Variants in DHRSX observed in about 807,000 individuals in gnomAD.
DHRSX encodes the protein polyprenol dehydrogenase.
Under a neutral mutation model 34.0 loss-of-function variants are expected in DHRSX, and 31 were observed. That is an observed-to-expected ratio of 0.91 (90% confidence interval 0.69 to 1.23). The LOEUF is 1.23. Ranked by LOEUF, DHRSX falls within the 50% of genes most tolerant of loss-of-function variation. The pLI is 0.00. For missense variants in DHRSX, 414 were observed against 428.1 expected (o/e 0.97, Z 0.29); for synonymous variants, 201 against 183.8 (o/e 1.09, Z -0.76).
chrX:2,300,980 T>C (rs1178394854), intron 3 of DHRSX, among the ~76,000 whole-genome samples: 1 of 152,208 alleles, frequency 6.6e-6, no homozygotes, highest in Non-Finnish European at 1.5e-5. Context: ...TTAAAGCATG[T>C]GGACAGGGTA....
intron 1 of DHRSX, among the ~76,000 whole-genome samples, chrX:2,460,201 G>A (rs1480688599): frequency 1.3e-5 from 2 of 152,090 alleles, no homozygotes; most frequent in East Asian, 1.9e-4. Flanking sequence ...CTCACAAAGC[G>A]GCGAGTGTTC....
In DHRSX at chrX:2,327,862, C is replaced by T. The variant is rs1022378172; in HGVS notation, c.287-36259G>A. On this transcript the variant is annotated intron_variant, in intron 3 of 6. Transcript: ENST00000334651. ...TTGGGAGGCTGAGGTGGGTGGATCA[C>T]GAGGTCAGGTGATCGAGACCATCCT... 4.0e-5 allele frequency among the ~76,000 whole-genome samples: 6 copies of T among 151,896 alleles called. No homozygotes were observed. In the East Asian group the frequency reaches 7.7e-4, roughly 20 times the overall value.
At chrX:2,330,475 C>G (rs1419238084) in intron 3 of DHRSX, among the ~76,000 whole-genome samples, 1 of 145,536 alleles carries the variant, frequency 6.9e-6, no homozygotes, top group African/African-American at 2.5e-5. Context: ...GAGCTGAGAT[C>G]GCGCCACGGC....
intron 3 of DHRSX, among the ~76,000 whole-genome samples, chrX:2,315,580 C>T (rs1399688539): frequency 1.3e-5 from 2 of 152,124 alleles, no homozygotes; most frequent in Non-Finnish European, 2.9e-5. Flanking sequence ...CCTCTGCCCT[C>T]AAATGAGCTG....
intron 3 of DHRSX, among the ~76,000 whole-genome samples, chrX:2,310,518 C>A (rs1034594824): frequency 1.6e-4 from 23 of 147,936 alleles, no homozygotes; most frequent in Non-Finnish European, 3.4e-4. Flanking sequence ...GACGCTGCAG[C>A]GAGATTATTC....
chrX:2,289,486 CA>C (rs1321396609), intron 4 of DHRSX, among the ~76,000 whole-genome samples: 1 of 152,140 alleles, frequency 6.6e-6, no homozygotes, highest in Non-Finnish European at 1.5e-5. Flanking sequence ...AGTAGTCGCA[CA>C]AAAGTCCTAA....
intron 3 of DHRSX, among the ~76,000 whole-genome samples, chrX:2,385,498 C>G (rs1310533354): frequency 6.6e-6 from 1 of 150,936 alleles, no homozygotes; most frequent in Non-Finnish European, 1.5e-5. Flanking sequence ...GTGCTGGCAG[C>G]CAGAACCAAT....
intron 3 of DHRSX, among the ~76,000 whole-genome samples, chrX:2,384,283 A>G (rs1326498937): frequency 2.6e-5 from 4 of 152,178 alleles, no homozygotes; most frequent in Non-Finnish European, 5.9e-5. Context: ...GAAAATGTCA[A>G]ATACATTCCT....
At chrX:2,222,368 T>C (rs2015540045) in intron 6 of DHRSX, among the ~76,000 whole-genome samples, 1 of 152,250 alleles carries the variant, frequency 6.6e-6, no homozygotes, top group Non-Finnish European at 1.5e-5. Flanking sequence ...ACATGGTTGG[T>C]GTTTCTGGTG....
At chrX:2,317,256 C>CCT (rs2042251425) in intron 3 of DHRSX, among the ~76,000 whole-genome samples, 2 of 87,440 alleles carry the variant, frequency 2.3e-5, no homozygotes, top group African/African-American at 1.1e-4. Context: ...CCGCGCCTGG[C>CCT]TTTTTTTTTT....
intron 4 of DHRSX, 118 bp from the exon 5 acceptor site, chrX:2,267,065 G>A: frequency 1.0e-6 from 1 of 996,678 alleles, no homozygotes; most frequent in Non-Finnish European, 1.6e-6. Context: ...GTGTAGAGCT[G>A]GCGGCCATGT....
In DHRSX at chrX:2,298,031, C is replaced by G. The variant is rs770508304; in HGVS notation, c.287-6428G>C. Among the ~76,000 whole-genome samples, 9 of 152,280 alleles carry G rather than the reference C, an allele frequency of 5.9e-5. No homozygotes were observed. The East Asian group carries it at 1.2e-3, about 20-fold the overall frequency. On this transcript the variant is annotated intron_variant, in intron 3 of 6. Coordinates refer to ENST00000334651, the MANE Select transcript of DHRSX (RefSeq NM_145177.3). ...TCGGCCTCCCAAAGTGCTGGGATGA[C>G]AGGCATGAGCTACCACGCCTAGCCT...
At chrX:2,245,556 T>C (rs1468847798) in intron 5 of DHRSX, among the ~76,000 whole-genome samples, 24 of 149,826 alleles carry the variant, frequency 1.6e-4, no homozygotes, top group African/African-American at 7.3e-5. Context: ...GTGATCCGCC[T>C]GCCTCGGCCT....
intron 5 of DHRSX, among the ~76,000 whole-genome samples, chrX:2,265,560 T>C (rs1388562123): frequency 4.1e-5 from 3 of 73,022 alleles, no homozygotes; most frequent in African/African-American, 1.2e-4. Context: ...GCACCAGTGC[T>C]CAGCAGATGC....
In DHRSX at chrX:2,266,883, G is replaced by T. The variant is rs2041482250; in HGVS notation, c.453C>A (p.Asn151Lys). 2 of 1,613,870 alleles carry T rather than the reference G, an allele frequency of 1.2e-6. No individual in the cohort carries two copies. Among genetic ancestry groups the T allele is most frequent in the East Asian group, 2.2e-5 (1 of 44,888 alleles). Residue 151 changes from asparagine (N) to lysine (K), a missense_variant, in exon 5 of 7, where the codon AAC becomes AAA. Asn to Lys is a moderately conservative substitution (Grantham distance 94). Coordinates refer to ENST00000334651, the MANE Select transcript of DHRSX (RefSeq NM_145177.3). ...RDGFEEHFGL[N>K]YLGHFLLTNL... is the part of the protein sequence containing the mutation. ...TGGTCAGCAGGAAGTGCCCTAGGTAGTTCAGGCCGAAATGTTCTTCGAATC... is the reference window on the plus strand; with the variant it reads ...TGGTCAGCAGGAAGTGCCCTAGGTATTTCAGGCCGAAATGTTCTTCGAATC...
chrX:2,229,782 G>A (rs773773687), intron 6 of DHRSX, among the ~76,000 whole-genome samples: 1 of 152,106 alleles, frequency 6.6e-6, no homozygotes, highest in African/African-American at 2.4e-5. Flanking sequence ...CAGATGTGCG[G>A]GTATGGGCCT....
intron 3 of DHRSX, among the ~76,000 whole-genome samples, chrX:2,298,066 A>G (rs1442315472): frequency 2.0e-5 from 3 of 151,986 alleles, no homozygotes; most frequent in African/African-American, 7.2e-5. Flanking sequence ...TGGGGTTTTT[A>G]TAAGGAGGAG....
intron 1 of DHRSX, among the ~76,000 whole-genome samples, chrX:2,477,201 C>T (rs1385618428): frequency 6.6e-6 from 1 of 152,106 alleles, no homozygotes; most frequent in East Asian, 1.9e-4. Flanking sequence ...ATCCCCAAGA[C>T]CTAATAAGAC....
At chrX:2,466,435 T>A (rs1187268424) in intron 1 of DHRSX, among the ~76,000 whole-genome samples, 2 of 151,794 alleles carry the variant, frequency 1.3e-5, no homozygotes, top group Non-Finnish European at 2.9e-5. Context: ...GGAAACCCAG[T>A]CTCAAAAGAA....
Sources: allele counts gnomAD v4.1 joint callset (sites outside exome capture counted in the v4.1 genomes callset), GRCh38; gene constraint gnomAD v4.1.1; transcripts MANE v1.5; gene names NCBI Gene and HGNC (gene_info 2026-07-23, HGNC 2026-07-21).